Variants in ZNF487 observed in about 807,000 individuals in gnomAD.
ZNF487 encodes KRAB domain only 1.
ZNF487 carries 4 observed loss-of-function variants against 3.0 expected under a neutral mutation model. The observed-to-expected ratio is 1.35, with a 90% CI of 0.66 to 3.08. ZNF487 has a LOEUF of 3.08. Among genes scored for constraint, ZNF487 ranks in the 30% most tolerant of loss-of-function variants. The probability of loss-of-function intolerance (pLI) is 0.01; values close to 1 mark genes in which losing one functional copy is unlikely to be tolerated. For missense variants in ZNF487, 146 were observed against 98.7 expected (o/e 1.48, Z -2.03); for synonymous variants, 55 against 34.6 (o/e 1.59, Z -2.06).
In ZNF487 at chr10:43,475,514, GA is replaced by G. The variant is rs200234682; in HGVS notation, c.-93-193del. ...TGAGTGATAGCGCAAGACCCCGTCT[GA>G]AAAAAAAAAAAAATTAATATACCGG... On this transcript the variant is annotated intron_variant, in intron 1 of 3. Transcript: ENST00000437590. 3.1e-3 allele frequency among the ~76,000 whole-genome samples: 418 copies of G among 134,998 alleles called. 1 individual carries two copies. The highest frequency in any genetic ancestry group is 5.7e-3 in the African/African-American group (209 of 36,768). 88.6% of individuals were successfully genotyped at this position (134,998 alleles called of 152,430 possible). A position where few individuals can be genotyped will look rare whatever the true frequency, so the allele number is the denominator to read the frequency against.
At chr10:43,461,837 A>G (rs1840442009) in intron 1 of ZNF487, among the ~76,000 whole-genome samples, 1 of 152,088 alleles carries the variant, frequency 6.6e-6, no homozygotes, top group Non-Finnish European at 1.5e-5. Context: ...ATCCTTTAGA[A>G]CTTGATACAA....
chr10:43,471,232 G>A (rs2094362688), intron 1 of ZNF487, among the ~76,000 whole-genome samples: 1 of 152,126 alleles, frequency 6.6e-6, no homozygotes, highest in East Asian at 1.9e-4. Context: ...GAGTGAGTGC[G>A]GGATCTGGCT....
At chr10:43,446,511 C>T (rs1839810175) in intron 1 of ZNF487, among the ~76,000 whole-genome samples, 1 of 151,500 alleles carries the variant, frequency 6.6e-6, no homozygotes. Flanking sequence ...CTCCTCACCT[C>T]CCAGACGGGG....
the ZNF487 span, among the ~76,000 whole-genome samples, chr10:43,514,592 A>G: frequency 6.6e-6 from 1 of 152,228 alleles, no homozygotes; most frequent in Non-Finnish European, 1.5e-5. Flanking sequence ...TACATTAGTC[A>G]GGATCTTCTG....
At chr10:43,444,662 G>A (rs1047413929) in intron 1 of ZNF487, among the ~76,000 whole-genome samples, 4 of 152,004 alleles carry the variant, frequency 2.6e-5, no homozygotes, top group African/African-American at 4.8e-5. Flanking sequence ...CTCTGCCTCC[G>A]GGCTCAGGTC....
At chr10:43,486,221 C>T (rs536662331), downstream of ZNF487, among the ~76,000 whole-genome samples, 1 of 152,250 alleles carries the variant, frequency 6.6e-6, no homozygotes, top group African/African-American at 2.4e-5. Flanking sequence ...TTCTTAAAAA[C>T]ATGCTTTTAA....
At chr10:43,463,425 C>T (rs1209694114) in intron 1 of ZNF487, among the ~76,000 whole-genome samples, 1 of 151,794 alleles carries the variant, frequency 6.6e-6, no homozygotes, top group Non-Finnish European at 1.5e-5. Context: ...GTAGTCCCAG[C>T]TACTCGGGAG....
chr10:43,464,828 T>C (rs1483503517), intron 1 of ZNF487, among the ~76,000 whole-genome samples: 2 of 152,216 alleles, frequency 1.3e-5, no homozygotes, highest in African/African-American at 4.8e-5. Flanking sequence ...CTTTCCCCCT[T>C]TTCTATTCCA....
chr10:43,440,635 G>A (rs1839564416), intron 1 of ZNF487, among the ~76,000 whole-genome samples: 1 of 151,096 alleles, frequency 6.6e-6, no homozygotes, highest in African/African-American at 2.4e-5. Flanking sequence ...TCCAGCCTGG[G>A]CAACAGAGTG....
chr10:43,466,620 C>G (rs1840716579), intron 1 of ZNF487, among the ~76,000 whole-genome samples: 1 of 151,960 alleles, frequency 6.6e-6, no homozygotes, highest in Non-Finnish European at 1.5e-5. Context: ...TCAGGCTGGT[C>G]TCCAACTCCT....
At chr10:43,522,596 C>G in the ZNF487 span, among the ~76,000 whole-genome samples, 1 of 151,760 alleles carries the variant, frequency 6.6e-6, no homozygotes, top group Non-Finnish European at 1.5e-5. Context: ...CAGCCAGGCA[C>G]GGTGGCGGGT....
chr10:43,485,973 T>A (rs751881950), downstream of ZNF487, among the ~76,000 whole-genome samples: 38 of 152,356 alleles, frequency 2.5e-4, no homozygotes, highest in Middle Eastern at 3.4e-3. Context: ...TAATTCTATT[T>A]CACATTTCAG....
At chr10:43,513,919 A>G in the ZNF487 span, among the ~76,000 whole-genome samples, 1 of 152,138 alleles carries the variant, frequency 6.6e-6, no homozygotes, top group South Asian at 2.1e-4. Context: ...ATGTCTGATC[A>G]TTTCACTTTC....
At chr10:43,488,692 T>A in the ZNF487 span, among the ~76,000 whole-genome samples, 1 of 152,160 alleles carries the variant, frequency 6.6e-6, no homozygotes, top group Non-Finnish European at 1.5e-5. Flanking sequence ...ATCCTCTCCA[T>A]GAAAGTAGTA....
intron 1 of ZNF487, among the ~76,000 whole-genome samples, chr10:43,459,903 G>A (rs4948725): frequency 1.3e-5 from 2 of 151,400 alleles, no homozygotes; most frequent in Non-Finnish European, 2.9e-5. Context: ...CTGGGTTCAC[G>A]CCATTCTCCT....
chr10:43,451,103 C>T (rs750370034), intron 1 of ZNF487, among the ~76,000 whole-genome samples: 1 of 151,656 alleles, frequency 6.6e-6, no homozygotes. Context: ...TGTGCCACCA[C>T]GCCCAGCTAA....
intron 1 of ZNF487, among the ~76,000 whole-genome samples, chr10:43,450,435 C>G (rs756039873): frequency 6.6e-6 from 1 of 152,170 alleles, no homozygotes; most frequent in Non-Finnish European, 1.5e-5. Flanking sequence ...TCACCACAAC[C>G]TCTGCATCCT....
chr10:43,501,075 G>C, the ZNF487 span, among the ~76,000 whole-genome samples: 2 of 152,050 alleles, frequency 1.3e-5, no homozygotes, highest in Admixed American at 1.3e-4. Flanking sequence ...TAGACTATAC[G>C]ATATAGCCTG....
the ZNF487 span, among the ~76,000 whole-genome samples, chr10:43,490,500 CT>C: frequency 3.6e-4 from 14 of 39,156 alleles, no homozygotes; most frequent in African/African-American, 1.0e-3. Flanking sequence ...AGTAGCTCTA[CT>C]TTTTTTTTTT....
Sources: allele counts gnomAD v4.1 joint callset (sites outside exome capture counted in the v4.1 genomes callset), GRCh38; gene constraint gnomAD v4.1.1; transcripts MANE v1.5; gene names NCBI Gene and HGNC (gene_info 2026-07-23, HGNC 2026-07-21).